PPP4R4: variants seen among roughly 807,000 people sequenced by gnomAD.
PPP4R4 encodes the protein serine/threonine-protein phosphatase 4 regulatory subunit 4.
Under a neutral mutation model 121.8 loss-of-function variants are expected in PPP4R4, and 70 were observed. The observed-to-expected ratio is 0.57, with a 90% CI of 0.47 to 0.70. PPP4R4 has a LOEUF of 0.70. Ranked by LOEUF, PPP4R4 falls within the 30% of genes least tolerant of loss-of-function variation. The pLI, the probability that PPP4R4 is intolerant of heterozygous loss-of-function variation, is 0.00. For missense variants in PPP4R4, 875 were observed against 1,033.6 expected, an observed-to-expected ratio of 0.85 and a Z score of 2.10; for synonymous variants, 348 against 355.7, an observed-to-expected ratio of 0.98 and a Z score of 0.24.
chr14:94,209,073 CA>C (rs1890607997), intron 3 of PPP4R4, among the ~76,000 whole-genome samples: 1 of 151,680 alleles, frequency 6.6e-6, no homozygotes, highest in Non-Finnish European at 1.5e-5. Flanking sequence ...CTGCTATGAA[CA>C]AAAATGTTTG....
intron 3 of PPP4R4, among the ~76,000 whole-genome samples, chr14:94,212,992 C>T (rs1890824138): frequency 1.3e-5 from 2 of 152,104 alleles, no homozygotes; most frequent in Admixed American, 1.3e-4. Context: ...CGAGCAATTC[C>T]AGGCACAGAT....
At chr14:94,256,948 A>T (rs1242430857) in intron 17 of PPP4R4, among the ~76,000 whole-genome samples, 1 of 152,136 alleles carries the variant, frequency 6.6e-6, no homozygotes, top group Admixed American at 6.5e-5. Context: ...TTGTTGGTAA[A>T]ATTGGCAAAG....
At chr14:94,219,782 A>C (rs147606506) in intron 3 of PPP4R4, among the ~76,000 whole-genome samples, 45 of 152,316 alleles carry the variant, frequency 3.0e-4, no homozygotes, top group African/African-American at 1.0e-3. Flanking sequence ...TATATGACAA[A>C]ATCCAACAAC....
intron 2 of PPP4R4, among the ~76,000 whole-genome samples, chr14:94,189,732 C>T (rs974620125): frequency 6.6e-6 from 1 of 152,212 alleles, no homozygotes; most frequent in Non-Finnish European, 1.5e-5. Flanking sequence ...CACTTTTTAT[C>T]TAAATATGCC....
chr14:94,174,975 C>G (rs1238567731), intron 1 of PPP4R4, among the ~76,000 whole-genome samples: 2 of 18,838 alleles, frequency 1.1e-4, no homozygotes, highest in East Asian at 1.1e-3. Context: ...TTCCTTCCGC[C>G]CCCCCCCCCC....
chr14:94,210,922 T>C (rs938476812), intron 3 of PPP4R4, among the ~76,000 whole-genome samples: 1 of 152,202 alleles, frequency 6.6e-6, no homozygotes, highest in African/African-American at 2.4e-5. Flanking sequence ...GATTTTGTTA[T>C]GACTTATTGG....
In PPP4R4 at chr14:94,174,560, G is replaced by A. The variant is rs747375472; in HGVS notation, c.95G>A (p.Arg32Lys). ...EDLQELTIIERPVRRSLKTPE... is the reference protein window; with the variant it reads ...EDLQELTIIEKPVRRSLKTPE... ...CTGCAGGAGCTCACCATCATCGAGA[G>A]GCCGGTCCGCCGGAGCCTCAAGGTG... Residue 32 changes from arginine to lysine, a missense_variant, in exon 1 of 25, where the codon AGG becomes AAG. Arg to Lys is a conservative substitution (Grantham distance 26). Transcript: ENST00000304338. 1.2e-6 allele frequency: 2 copies of A among 1,612,070 alleles called. No individual in the cohort carries two copies. The highest frequency in any genetic ancestry group is 3.3e-5 in the Admixed American group (2 of 59,972).
Position 94,194,089 on chromosome 14 carries a change from A to G in PPP4R4, c.192-14375A>G, listed in dbSNP as rs1889740176. The stretch of plus-strand genomic sequence containing the variant: ...TTGACTTGTTTTTCATTGGCATAAG[A>G]TTTTACTATAAATGGCTCTAAAATA... On this transcript the variant is annotated intron_variant, in intron 2 of 24. Transcript: ENST00000304338. Among the ~76,000 whole-genome samples the G allele has an allele frequency of 2.0e-5, 3 of 152,232 alleles. No individual in the cohort carries two copies. The South Asian group carries it at 6.2e-4, about 32-fold the overall frequency.
At chr14:94,208,667 C>T in intron 3 of PPP4R4, 101 bp downstream of exon 3, 5 of 801,056 alleles carry the variant, frequency 6.2e-6, no homozygotes, top group South Asian at 2.1e-5. Flanking sequence ...ATCTTTTGCA[C>T]CTAAAAATTG....
At chr14:94,223,928 T>C (rs1196432215) in intron 3 of PPP4R4, among the ~76,000 whole-genome samples, 1 of 152,240 alleles carries the variant, frequency 6.6e-6, no homozygotes, top group East Asian at 1.9e-4. Flanking sequence ...GATTGTTTTC[T>C]AACAATACGT....
At chr14:94,275,263 A>G in intron 23 of PPP4R4, 111 bp from the exon 24 acceptor site, 1 of 1,239,472 alleles carries the variant, frequency 8.1e-7, no homozygotes, top group Non-Finnish European at 1.1e-6. Context: ...ATACCCTCAT[A>G]AAATTGATTT....
chr14:94,235,513 C>G (rs1407608732), intron 7 of PPP4R4, among the ~76,000 whole-genome samples: 1 of 150,734 alleles, frequency 6.6e-6, no homozygotes, highest in Admixed American at 6.7e-5. Flanking sequence ...CATTCTCCTG[C>G]CTCAGCCTCC....
intron 8 of PPP4R4, 106 bp from the exon 9 acceptor site, chr14:94,240,567 C>G (rs1892574519): frequency 1.6e-6 from 2 of 1,216,230 alleles, no homozygotes; most frequent in South Asian, 1.5e-5. Flanking sequence ...TACTATGAGG[C>G]TAACATAGTA....
At chr14:94,213,137 T>G (rs1299708064) in intron 3 of PPP4R4, among the ~76,000 whole-genome samples, 2 of 152,218 alleles carry the variant, frequency 1.3e-5, no homozygotes, top group East Asian at 3.8e-4. Flanking sequence ...AGAAACAACT[T>G]AGTTAAGTAA....
intron 19 of PPP4R4, among the ~76,000 whole-genome samples, chr14:94,260,445 CAAAA>C (rs1286496618): frequency 1.3e-5 from 2 of 151,842 alleles, no homozygotes; most frequent in Admixed American, 1.3e-4. Flanking sequence ...CAAAACAAAA[CAAAA>C]AAACCTGCTT....
chr14:94,219,080 C>CTTTTTTT (rs71301922), intron 3 of PPP4R4, among the ~76,000 whole-genome samples: 14 of 106,946 alleles, frequency 1.3e-4, no homozygotes, highest in African/African-American at 1.8e-4. Context: ...CTTTTCTTTT[C>CTTTTTTT]TTTTTTTTTT....
At position 94,174,472 on chromosome 14, in the gene PPP4R4, C is replaced by A; in HGVS notation, c.7C>A (p.Pro3Thr). The change falls in exon 1 of 25, where the codon CCG becomes ACG. Residue 3 changes from proline (P) to threonine (T), a missense_variant. Transcript: ENST00000304338. The stretch of plus-strand genomic sequence containing the variant: ...CGAGAGTGCCCGGCGGTCCATGCAT[C>A]CGCCGCCGCCCGCCGCCGCGATGGA... Reference protein sequence around the residue: MHPPPPAAAMDFS... With the variant: MHTPPPAAAMDFS... 6.2e-7 allele frequency: 1 copy of A among 1,602,564 alleles called. No individual in the cohort carries two copies. The highest frequency in any genetic ancestry group is 8.5e-7 in the Non-Finnish European group (1 of 1,175,612).
At chr14:94,274,507 C>T (rs1052429008) in intron 23 of PPP4R4, among the ~76,000 whole-genome samples, 2 of 152,024 alleles carry the variant, frequency 1.3e-5, no homozygotes, top group Non-Finnish European at 2.9e-5. Context: ...CAAGTAAGTG[C>T]ATGAAAAGAT....
intron 7 of PPP4R4, among the ~76,000 whole-genome samples, chr14:94,236,857 T>C (rs987239740): frequency 3.9e-5 from 6 of 152,214 alleles, no homozygotes; most frequent in Non-Finnish European, 7.4e-5. Context: ...TCTTGGACTC[T>C]ATCAACATCT....
Sources: allele counts gnomAD v4.1 joint callset (sites outside exome capture counted in the v4.1 genomes callset), GRCh38; gene constraint gnomAD v4.1.1; transcripts MANE v1.5; gene names NCBI Gene and HGNC (gene_info 2026-07-23, HGNC 2026-07-21).